Variants in USP35 observed in about 807,000 individuals in gnomAD.
USP35 encodes ubiquitin carboxyl-terminal hydrolase 35.
In USP35, 69 loss-of-function variants were observed where a neutral mutation model predicts 83.8. The ratio of observed to expected loss-of-function variants is 0.82; its 90% CI spans 0.68 to 1.01. The LOEUF is 1.01. Among genes scored for constraint, USP35 ranks in the 50% least tolerant of loss-of-function variants. The pLI, the probability that USP35 is intolerant of heterozygous loss-of-function variation, is 0.00. For synonymous variants in USP35, 714 were observed against 589.5 expected (o/e 1.21, Z -3.06); for missense variants, 1,503 against 1,362.5 (o/e 1.10, Z -1.62).
the USP35 span, among the ~76,000 whole-genome samples, chr11:78,228,090 C>T: frequency 2.0e-5 from 3 of 152,192 alleles, no homozygotes; most frequent in African/African-American, 2.4e-5. Context: ...GCTACTGATA[C>T]GTGCTGTGTG....
At chr11:78,222,278 GT>G in the USP35 span, 1 of 865,130 alleles carries the variant, frequency 1.2e-6, no homozygotes, top group South Asian at 1.4e-5. Context: ...ACATGAGCAT[GT>G]TTATAAAGGC....
chr11:78,206,088 C>T (rs1478694275), intron 7 of USP35, 53 bp downstream of exon 7: 1 of 1,571,316 alleles, frequency 6.4e-7, no homozygotes, highest in African/African-American at 1.4e-5. Flanking sequence ...CCTCTGGGCT[C>T]CCTGATGACA....
At chr11:78,199,834 G>C (rs1590901752) in intron 4 of USP35, 110 bp downstream of exon 4, 1 of 1,550,602 alleles carries the variant, frequency 6.4e-7, no homozygotes, top group Admixed American at 1.8e-5. Context: ...CAAGCTCGCT[G>C]TGTGACCTGG....
the USP35 span, among the ~76,000 whole-genome samples, chr11:78,233,040 G>GTTTTTTTTTTTTTTTTT: frequency 3.2e-4 from 42 of 131,972 alleles, 4 homozygotes; most frequent in African/African-American, 1.2e-3. Flanking sequence ...GCACTGTTAA[G>GTTTTTTTTTTTTTTTTT]TTTTTTTTTT....
intron 1 of USP35, among the ~76,000 whole-genome samples, chr11:78,189,836 C>T (rs1473997855): frequency 1.3e-5 from 2 of 152,094 alleles, no homozygotes; most frequent in African/African-American, 4.8e-5. Context: ...TTTTTCTTTC[C>T]AGGAGACAGT....
downstream of USP35, chr11:78,216,557 C>T (rs542100466): frequency 3.9e-5 from 6 of 152,220 alleles, no homozygotes; most frequent in Admixed American, 2.6e-4. Context: ...CACTTGCACC[C>T]GAGGGATTTT....
At chr11:78,205,750 C>G in intron 6 of USP35, 92 bp from the exon 7 acceptor site, 2 of 1,443,288 alleles carry the variant, frequency 1.4e-6, no homozygotes, top group Non-Finnish European at 1.9e-6. Context: ...TTGGGGTTGG[C>G]TGTATCTGAG....
At chr11:78,230,806 T>A in the USP35 span, among the ~76,000 whole-genome samples, 1,848 of 152,366 alleles carry the variant, frequency 0.012, 44 homozygotes, top group African/African-American at 0.042. Flanking sequence ...GCGCAAACCA[T>A]GCTAAAATGT....
chr11:78,195,167 C>T (rs551578811), intron 1 of USP35, among the ~76,000 whole-genome samples: 114 of 152,282 alleles, frequency 7.5e-4, no homozygotes, highest in African/African-American at 2.7e-3. Flanking sequence ...ACCCATACCC[C>T]ACCAGCACTA....
the USP35 span, among the ~76,000 whole-genome samples, chr11:78,225,652 A>C: frequency 3.5e-4 from 54 of 152,356 alleles, 1 homozygote; most frequent in East Asian, 0.01. Context: ...GACTGCTCAA[A>C]TTGTCGATGG....
At position 78,210,128 on chromosome 11, in the gene USP35, C is replaced by G. The variant is rs776169121; in HGVS notation, c.2273C>G (p.Ser758Cys). 3 of 1,613,642 alleles carry G rather than the reference C, an allele frequency of 1.9e-6. No homozygotes were observed. The highest frequency in any genetic ancestry group is 2.5e-6 in the Non-Finnish European group (3 of 1,179,788). The change falls in exon 10 of 11, where the codon TCC becomes TGC. Residue 758 changes from serine to cysteine, a missense_variant. By Grantham distance (112) the Ser-to-Cys change is moderately radical. Transcript: ENST00000529308. ...GAGCGGACATGTGGCTCTGAGGGCT[C>G]CCGCTCCGTCCTGGACCTGGTTAAC... ...SGERTCGSEG[S>C]RSVLDLVNYF...
chr11:78,232,136 A>G, the USP35 span, among the ~76,000 whole-genome samples: 2 of 152,264 alleles, frequency 1.3e-5, no homozygotes, highest in Non-Finnish European at 2.9e-5. Flanking sequence ...TGGTCAGTCA[A>G]TCAAAGCCTC....
chr11:78,205,334 G>C lies in USP35; in HGVS notation c.1198-508G>C, dbSNP rs149899812. 4.0e-3 allele frequency among the ~76,000 whole-genome samples: 615 copies of C among 152,298 alleles called. 3 individuals are homozygous for C. Among genetic ancestry groups the C allele is most frequent in the African/African-American group, 0.014 (580 of 41,572 alleles). On this transcript the variant is annotated intron_variant, in intron 6 of 10. Coordinates refer to ENST00000529308, the MANE Select transcript of USP35 (RefSeq NM_020798.4). ...CATTGTGTGCCCACACCATGAAAACGTAGGATGCCAAACTGACACAAGGTA... is the reference window on the plus strand; with the variant it reads ...CATTGTGTGCCCACACCATGAAAACCTAGGATGCCAAACTGACACAAGGTA...
the USP35 span, chr11:78,227,187 T>C: frequency 9.3e-6 from 6 of 644,772 alleles, no homozygotes; most frequent in Non-Finnish European, 1.4e-5. Context: ...TTTTGAAGGT[T>C]GTTCAGACTC....
downstream of USP35, chr11:78,218,806 T>A (rs901555515): frequency 7.7e-5 from 12 of 156,634 alleles, no homozygotes; most frequent in East Asian, 1.9e-3. Flanking sequence ...TTTGGTTTGC[T>A]GGTCCTTGAC....
rs139809444 is a variant in USP35 at position 78,201,619 on chromosome 11, G to A, written c.1197+811G>A. 5.1e-3 allele frequency among the ~76,000 whole-genome samples: 772 copies of A among 152,258 alleles called. 5 individuals carry two copies. Among genetic ancestry groups the A allele is most frequent in the African/African-American group, 0.018 (731 of 41,574 alleles). Reference sequence around the variant, plus strand: ...GAGGCCTCATCAAGCTGGGCTTGACGGGTTGCTAGGATCTGACAGTGACTA... The same window carrying A: ...GAGGCCTCATCAAGCTGGGCTTGACAGGTTGCTAGGATCTGACAGTGACTA... On this transcript the variant is annotated intron_variant, in intron 6 of 10. Transcript: ENST00000529308.
chr11:78,200,870 T>C, intron 6 of USP35, 62 bp downstream of exon 6: 1 of 1,527,878 alleles, frequency 6.5e-7, no homozygotes, highest in Non-Finnish European at 8.8e-7. Flanking sequence ...GTGTGGGCCT[T>C]CCAGCGGGCC....
intron 1 of USP35, among the ~76,000 whole-genome samples, chr11:78,190,531 T>C (rs1862972801): frequency 6.6e-6 from 1 of 152,220 alleles, no homozygotes; most frequent in Non-Finnish European, 1.5e-5. Flanking sequence ...TGACGCACCT[T>C]CACGGACACC....
Position 78,205,866 on chromosome 11 carries a change from C to T in USP35, c.1222C>T (p.Arg408Cys), listed in dbSNP as rs200422100. The T allele has an allele frequency of 6.2e-5, 100 of 1,613,726 alleles. No individual in the cohort carries two copies. The highest frequency in any genetic ancestry group is 1.2e-4 in the African/African-American group (9 of 74,928). The change falls in exon 7 of 11, where the codon CGC (arginine) becomes TGC (cysteine). Residue 408 changes from arginine to cysteine, a missense_variant. Coordinates refer to ENST00000529308, the MANE Select transcript of USP35 (RefSeq NM_020798.4). ...IKDLHVPNED[R>C]IKQLLGQDAW... is the part of the protein sequence containing the mutation. ...GGACCTCCATGTTCCCAATGAGGAC[C>T]GCATCAAGCAGCTGCTGGGGCAGGA...
Sources: gnomAD v4.1 joint callset for allele counts (sites outside exome capture counted in the v4.1 genomes callset) on GRCh38, gnomAD v4.1.1 for gene constraint, MANE v1.5 for transcripts, NCBI Gene and HGNC (gene_info 2026-07-23, HGNC 2026-07-21) for gene names.